The following UNC13B variants were observed in gnomAD, a reference collection of about 807,000 sequenced individuals.
UNC13B encodes protein unc-13 homolog B.
A neutral mutation model predicts 211.0 loss-of-function variants in UNC13B; 144 were observed. The ratio of observed to expected loss-of-function variants is 0.68; its 90% CI spans 0.60 to 0.78. UNC13B has a LOEUF of 0.78. UNC13B is among the 30% of genes least tolerant of loss of function. The pLI, the probability that UNC13B is intolerant of heterozygous loss-of-function variation, is 0.00. For synonymous variants in UNC13B, 709 were observed against 725.8 expected (o/e 0.98, Z 0.37); for missense variants, 1,777 against 2,002.0 (o/e 0.89, Z 2.14).
intron 7 of UNC13B, among the ~76,000 whole-genome samples, chr9:35,268,577 C>T (rs1369676878): frequency 6.6e-6 from 1 of 152,150 alleles, no homozygotes; most frequent in Non-Finnish European, 1.5e-5. Context: ...CAAGATTGCA[C>T]CACTGTACTC....
chr9:35,243,406 ATCTCCAATGC>A (rs1291354385), intron 6 of UNC13B, 42 bp downstream of exon 6: 10 of 1,603,214 alleles, frequency 6.2e-6, no homozygotes, highest in Non-Finnish European at 7.7e-6. Flanking sequence ...ATGGGGGAAA[ATCTCCAATGC>A]TCTTTATAGG....
chr9:35,343,474 C>T (rs1346058265), intron 11 of UNC13B, among the ~76,000 whole-genome samples: 8 of 152,030 alleles, frequency 5.3e-5, no homozygotes, highest in African/African-American at 1.5e-4. Flanking sequence ...TGGAAAGAAG[C>T]GGGGTACCGT....
chr9:35,344,858 C>A (rs1285480410), intron 11 of UNC13B, among the ~76,000 whole-genome samples: 1 of 152,164 alleles, frequency 6.6e-6, no homozygotes, highest in Non-Finnish European at 1.5e-5. Context: ...GTTCTGGTTT[C>A]TTTTATTCAA....
intron 37 of UNC13B, chr9:35,402,057 C>T: frequency 3.3e-6 from 5 of 1,525,454 alleles, no homozygotes; most frequent in Non-Finnish European, 4.4e-6. Context: ...TAACACTGAC[C>T]CCTGGGAGCT....
At chr9:35,229,543 G>T (rs1316959254) in intron 2 of UNC13B, among the ~76,000 whole-genome samples, 1 of 152,118 alleles carries the variant, frequency 6.6e-6, no homozygotes, top group African/African-American at 2.4e-5. Context: ...TTTTGAGAGG[G>T]AATCAGGTTT....
At chr9:35,388,555 C>T (rs959903368) in intron 24 of UNC13B, among the ~76,000 whole-genome samples, 1 of 152,222 alleles carries the variant, frequency 6.6e-6, no homozygotes, top group African/African-American at 2.4e-5. Flanking sequence ...TGTAACCTTG[C>T]TGCCCTTCAC....
intron 7 of UNC13B, among the ~76,000 whole-genome samples, chr9:35,280,353 C>T (rs1002100683): frequency 6.6e-6 from 1 of 152,146 alleles, no homozygotes; most frequent in Non-Finnish European, 1.5e-5. Flanking sequence ...CCCCACTCCC[C>T]ATGTCCTGGT....
intron 5 of UNC13B, among the ~76,000 whole-genome samples, chr9:35,242,090 T>A (rs943387628): frequency 1.3e-5 from 2 of 152,218 alleles, no homozygotes; most frequent in Non-Finnish European, 2.9e-5. Flanking sequence ...CTTGATGTTT[T>A]TAAAAGGTGA....
At chr9:35,166,624 ACACACCAC>A (rs951452655) in intron 1 of UNC13B, among the ~76,000 whole-genome samples, 21 of 152,108 alleles carry the variant, frequency 1.4e-4, no homozygotes, top group African/African-American at 5.1e-4. Flanking sequence ...ACTACAAGGA[ACACACCAC>A]CACACCCAAC....
chr9:35,203,499 G>A (rs1468405289), intron 1 of UNC13B, among the ~76,000 whole-genome samples: 2 of 152,178 alleles, frequency 1.3e-5, no homozygotes, highest in African/African-American at 4.8e-5. Flanking sequence ...ACTCTCTTCT[G>A]GCTTGTAGAG....
At position 35,326,850 on chromosome 9, in the gene UNC13B, G is replaced by A. The variant is rs558160295; in HGVS notation, c.9414+12861G>A. On this transcript the variant is annotated intron_variant, in intron 11 of 39. Transcript: ENST00000635942. ...TGAAACCACAGAAAGCAAAACAGTG[G>A]CTAAGGAGGGACTACCGTAATATCT... is the stretch of plus-strand genomic sequence containing the variant. Among the ~76,000 whole-genome samples the A allele has an allele frequency of 9.0e-4, 137 of 152,258 alleles. 2 individuals carry two copies. Among genetic ancestry groups the A allele is most frequent in the Admixed American group, 5.2e-3 (80 of 15,292 alleles).
chr9:35,218,032 T>G (rs1023951478), intron 1 of UNC13B, among the ~76,000 whole-genome samples: 2 of 151,866 alleles, frequency 1.3e-5, no homozygotes, highest in Admixed American at 1.3e-4. Context: ...AAAAAAAAGA[T>G]TTTAGGCGTG....
chr9:35,389,696 C>G (rs1474303632), intron 24 of UNC13B, 150 bp from the exon 25 acceptor site: 4 of 763,658 alleles, frequency 5.2e-6, no homozygotes, highest in Non-Finnish European at 8.4e-6. Flanking sequence ...CAGGGATAGT[C>G]TTGTGGAAGA....
intron 1 of UNC13B, among the ~76,000 whole-genome samples, chr9:35,164,445 A>G (rs778791772): frequency 3.3e-5 from 5 of 152,254 alleles, no homozygotes; most frequent in African/African-American, 9.6e-5. Flanking sequence ...AGTAGAATCA[A>G]TTAGAAACTT....
intron 1 of UNC13B, among the ~76,000 whole-genome samples, chr9:35,217,093 GT>G (rs1412835070): frequency 6.6e-6 from 1 of 152,168 alleles, no homozygotes; most frequent in Non-Finnish European, 1.5e-5. Flanking sequence ...TATCTTGATT[GT>G]GGCAATAGTA....
intron 7 of UNC13B, among the ~76,000 whole-genome samples, chr9:35,284,445 G>A (rs1283947004): frequency 3.9e-5 from 6 of 152,024 alleles, no homozygotes; most frequent in Admixed American, 6.6e-5. Flanking sequence ...TTAATATAAT[G>A]AATGCATTAA....
At chr9:35,352,924 T>A in intron 11 of UNC13B, 1 of 1,232,136 alleles carries the variant, frequency 8.1e-7, no homozygotes. Flanking sequence ...ACTGCCACGA[T>A]AAAAGTGAGG....
rs1829688642 is a variant in UNC13B at position 35,301,604 on chromosome 9, A to G, written c.2200A>G (p.Thr734Ala). The G allele has an allele frequency of 7.5e-6, 3 of 398,888 alleles. No homozygotes were observed. Among genetic ancestry groups the G allele is most frequent in the South Asian group, 2.5e-4 (2 of 7,854 alleles). The allele number at this position is 398,888 out of a possible 1,614,324, so 24.7% of individuals were successfully genotyped here. Residue 734 changes from threonine to alanine, a missense_variant, in exon 9 of 40, where the codon ACC becomes GCC. Physicochemically the swap from Thr to Ala is moderately conservative, Grantham distance 58 (BLOSUM62 0). Coordinates refer to ENST00000635942, the MANE Select transcript of UNC13B (RefSeq NM_001371189.2). ...TSENLLSSQV[T>A]SEPSNLVSSA... ...TGAGAATTTGTTGTCCTCCCAAGTA[A>G]CCAGTGAACCTTCAAACTTAGTTAG...
At chr9:35,219,969 A>G (rs1262967381) in intron 1 of UNC13B, among the ~76,000 whole-genome samples, 1 of 152,090 alleles carries the variant, frequency 6.6e-6, no homozygotes, top group Non-Finnish European at 1.5e-5. Context: ...TTAGTGTCAC[A>G]TTTAGATGTT....
Sources: allele counts gnomAD v4.1 joint callset (sites outside exome capture counted in the v4.1 genomes callset), GRCh38; gene constraint gnomAD v4.1.1; transcripts MANE v1.5; gene names NCBI Gene and HGNC (gene_info 2026-07-23, HGNC 2026-07-21).